Variants in DAPK2 observed in about 807,000 individuals in gnomAD.
The protein encoded by DAPK2 is death-associated protein kinase 2.
DAPK2 carries 35 observed loss-of-function variants against 44.1 expected under a neutral mutation model. That is an observed-to-expected ratio of 0.79 (90% CI 0.61 to 1.05). The LOEUF is 1.05. Among genes scored for constraint, DAPK2 ranks in the 50% least tolerant of loss-of-function variants. The pLI, the probability that DAPK2 is intolerant of heterozygous loss-of-function variation, is 0.00. For missense variants in DAPK2, 453 were observed against 483.2 expected, an observed-to-expected ratio of 0.94 and a Z score of 0.59; for synonymous variants, 174 against 182.6, an observed-to-expected ratio of 0.95 and a Z score of 0.38.
chr15:64,003,667 G>A (rs954105174), intron 1 of DAPK2, among the ~76,000 whole-genome samples: 10 of 152,066 alleles, frequency 6.6e-5, no homozygotes, highest in African/African-American at 2.2e-4. Flanking sequence ...GTGCAGTGGC[G>A]CAATCTCAGC....
chr15:63,959,644 T>C (rs1460374972), intron 3 of DAPK2, among the ~76,000 whole-genome samples: 4 of 152,224 alleles, frequency 2.6e-5, no homozygotes, highest in Admixed American at 2.0e-4. Context: ...TCTGTTTATA[T>C]GATGGATTAC....
At chr15:63,994,578 C>CT (rs1567260171) in intron 1 of DAPK2, among the ~76,000 whole-genome samples, 1 of 129,312 alleles carries the variant, frequency 7.7e-6, no homozygotes, top group East Asian at 2.4e-4. Context: ...ATACTGAAAT[C>CT]TTTTTTACTT....
chr15:64,009,422 C>T (rs332292), intron 1 of DAPK2, among the ~76,000 whole-genome samples: 5,771 of 152,186 alleles, frequency 0.038, 326 homozygotes, highest in African/African-American at 0.13. Context: ...ATTATTTTCT[C>T]CTTCCCATCA....
At chr15:63,942,792 T>C (rs1052753488) in intron 3 of DAPK2, among the ~76,000 whole-genome samples, 5 of 151,962 alleles carry the variant, frequency 3.3e-5, no homozygotes. Flanking sequence ...AGGCCTTCTC[T>C]GCTCTCTCCC....
intron 3 of DAPK2, among the ~76,000 whole-genome samples, chr15:63,945,728 C>G (rs572030752): frequency 1.3e-5 from 2 of 152,332 alleles, no homozygotes; most frequent in East Asian, 3.9e-4. Context: ...CCTCAGCCCC[C>G]CAACTGTAAG....
At chr15:63,978,862 C>G (rs1259306602) in intron 2 of DAPK2, among the ~76,000 whole-genome samples, 1 of 152,200 alleles carries the variant, frequency 6.6e-6, no homozygotes, top group African/African-American at 2.4e-5. Flanking sequence ...TGACCTTTGC[C>G]TCCTTCCTCC....
chr15:64,008,200 T>C (rs1186119062), intron 1 of DAPK2, among the ~76,000 whole-genome samples: 3 of 99,148 alleles, frequency 3.0e-5, no homozygotes, highest in Non-Finnish European at 5.6e-5. Flanking sequence ...GAATTGTATA[T>C]AAATTATATC....
At chr15:64,010,126 C>G (rs1176956517) in intron 1 of DAPK2, among the ~76,000 whole-genome samples, 1 of 152,118 alleles carries the variant, frequency 6.6e-6, no homozygotes, top group East Asian at 1.9e-4. Context: ...GGGAACCTGT[C>G]AGAAATGCAA....
Position 64,046,258 on chromosome 15 carries a change from C to T in DAPK2, c.-7+40G>A. On this transcript the variant is annotated intron_variant, in intron 1 of 11. Transcript: ENST00000457488. This position sits in a 1 kb window ranked among gnomAD's most constrained non-coding sequence, Gnocchi z 5.3. Reference sequence around the variant, plus strand: ...GCGCTGCTGCCGTCAGGCCGCGCGCCCCGTCCCGCCCATCGAGCCCGCAGA... The same window carrying T: ...GCGCTGCTGCCGTCAGGCCGCGCGCTCCGTCCCGCCCATCGAGCCCGCAGA... The T allele has an allele frequency of 4.3e-6, 4 of 925,496 alleles. No homozygotes were observed. The highest frequency in any genetic ancestry group is 5.2e-6 in the Non-Finnish European group (4 of 776,698). The allele number at this position is 925,496 out of a possible 1,614,324, so 57.3% of individuals were successfully genotyped here. A position where few individuals can be genotyped will look rare whatever the true frequency, so the allele number is the denominator to read the frequency against.
At chr15:64,004,871 T>C (rs2079185639) in intron 1 of DAPK2, among the ~76,000 whole-genome samples, 2 of 152,236 alleles carry the variant, frequency 1.3e-5, no homozygotes, top group Admixed American at 6.5e-5. Flanking sequence ...CTTACACTCT[T>C]GGCTTCAGTG....
At chr15:63,949,311 A>G (rs573468620) in intron 3 of DAPK2, among the ~76,000 whole-genome samples, 1 of 152,002 alleles carries the variant, frequency 6.6e-6, no homozygotes, top group African/African-American at 2.4e-5. Flanking sequence ...CTGTCTCTAT[A>G]CTCTCATGGG....
intron 1 of DAPK2, among the ~76,000 whole-genome samples, chr15:64,021,299 G>A (rs1274513893): frequency 6.6e-6 from 1 of 152,208 alleles, no homozygotes; most frequent in East Asian, 1.9e-4. Flanking sequence ...AAGGGAGCGC[G>A]AGTGAGCATT....
At chr15:63,942,846 G>T (rs369312471) in intron 3 of DAPK2, among the ~76,000 whole-genome samples, 2 of 151,978 alleles carry the variant, frequency 1.3e-5, no homozygotes, top group Non-Finnish European at 2.9e-5. Context: ...TGTAATACCC[G>T]AACACAGTGC....
Position 63,980,219 on chromosome 15 carries a change from A to G in DAPK2, c.314+3314T>C, listed in dbSNP as rs2078464311. Among the ~76,000 whole-genome samples the G allele has an allele frequency of 6.6e-6, 1 of 152,206 alleles. No individual in the cohort carries two copies. Among genetic ancestry groups the G allele is most frequent in the East Asian group, 1.9e-4 (1 of 5,192 alleles). On this transcript the variant is annotated intron_variant, in intron 2 of 10. Coordinates refer to ENST00000261891, the Ensembl canonical transcript of DAPK2. This position sits in a 1 kb window ranked among gnomAD's most constrained non-coding sequence, Gnocchi z 4.3. ...ACCTGAGCTCACAAGAAGCCGGCAC[A>G]TAACTGGCTGACCATGAGCCCTGTT... is the stretch of plus-strand genomic sequence containing the variant.
At chr15:64,003,069 C>T (rs1469592987) in intron 1 of DAPK2, among the ~76,000 whole-genome samples, 3 of 149,346 alleles carry the variant, frequency 2.0e-5, no homozygotes, top group Non-Finnish European at 1.5e-5. Context: ...TATTAATTTA[C>T]CCAAAGCAGG....
At chr15:63,976,258 C>T (rs2078343617) in intron 2 of DAPK2, among the ~76,000 whole-genome samples, 1 of 152,164 alleles carries the variant, frequency 6.6e-6, no homozygotes, top group Non-Finnish European at 1.5e-5. Context: ...TTACTGAGCA[C>T]TTGCAATGTG....
chr15:64,015,516 GT>G (rs968286767), intron 1 of DAPK2, among the ~76,000 whole-genome samples: 2 of 152,204 alleles, frequency 1.3e-5, no homozygotes, highest in African/African-American at 4.8e-5. Context: ...GTCATAGTGG[GT>G]TGAATAGTGG....
intron 1 of DAPK2, among the ~76,000 whole-genome samples, chr15:64,036,305 G>GTATATATATATATATA (rs1247245619): frequency 2.0e-5 from 1 of 50,804 alleles, no homozygotes; most frequent in African/African-American, 4.6e-5. Context: ...GTGTGTGTGT[G>GTATATATATATATATA]TGTGTATATA....
chr15:63,982,143 C>T (rs540784092), intron 2 of DAPK2, among the ~76,000 whole-genome samples: 40 of 151,098 alleles, frequency 2.6e-4, no homozygotes, highest in South Asian at 1.3e-3. Flanking sequence ...CTATCACTCC[C>T]GCTACCAGGC....
Sources: gnomAD v4.1 joint callset for allele counts (sites outside exome capture counted in the v4.1 genomes callset) on GRCh38, gnomAD v4.1.1 for gene constraint, Gnocchi (gnomAD v3.1) non-coding constraint, MANE v1.5 for transcripts, NCBI Gene and HGNC (gene_info 2026-07-23, HGNC 2026-07-21) for gene names.